The following PHACTR3 variants were observed in gnomAD, a reference collection of about 807,000 sequenced individuals.
PHACTR3 encodes the protein phosphatase and actin regulator 3.
A neutral mutation model predicts 66.8 loss-of-function variants in PHACTR3; 16 were observed. That is an observed-to-expected ratio of 0.24 (90% CI 0.16 to 0.36). The LOEUF is 0.36. PHACTR3 is among the 10% of genes least tolerant of loss of function. The pLI, the probability that PHACTR3 is intolerant of heterozygous loss-of-function variation, is 1.00. For missense variants in PHACTR3, 647 were observed against 719.9 expected (o/e 0.90, Z 1.16); for synonymous variants, 323 against 292.1 (o/e 1.11, Z -1.08).
intron 1 of PHACTR3, among the ~76,000 whole-genome samples, chr20:59,734,959 G>T (rs1039909537): frequency 1.3e-5 from 2 of 151,734 alleles, no homozygotes; most frequent in Non-Finnish European, 2.9e-5. Flanking sequence ...CCTCTTTCTT[G>T]ATTCTTCCTG....
chr20:59,822,109 C>T (rs1230782903), intron 8 of PHACTR3, among the ~76,000 whole-genome samples: 1 of 74,344 alleles, frequency 1.3e-5, no homozygotes, highest in Non-Finnish European at 2.6e-5. Context: ...CCACCCCCTC[C>T]GCAGCGATCC....
chr20:59,743,025 G>A (rs1173822510), intron 1 of PHACTR3, 82 bp from the exon 2 acceptor site: 7 of 1,479,234 alleles, frequency 4.7e-6, no homozygotes, highest in Non-Finnish European at 6.4e-6. Flanking sequence ...ACCCCTTAGG[G>A]TGAGAGGTCA....
In PHACTR3 at chr20:59,721,482, A is replaced by G. The variant is rs147781165; in HGVS notation, c.119-21625A>G. On this transcript the variant is annotated intron_variant, in intron 1 of 12. Coordinates refer to ENST00000371015, the MANE Select transcript of PHACTR3 (RefSeq NM_080672.5). ...GCGATGGTGGGGGATGTGGCAGCAC[A>G]AAGCAACTTTGTCCACTGATGTCGG... 6.4e-4 allele frequency: 97 copies of G among 152,674 alleles called. 2 individuals carry two copies. In the East Asian group the frequency reaches 6.5e-3, roughly 10 times the overall value. 9.5% of individuals were successfully genotyped at this position (152,674 alleles called of 1,614,324 possible).
chr20:59,720,830 A>G (rs2038268187), intron 1 of PHACTR3, among the ~76,000 whole-genome samples: 1 of 152,178 alleles, frequency 6.6e-6, no homozygotes, highest in Non-Finnish European at 1.5e-5. Context: ...TTCGGAAGGG[A>G]ACATTTATTG....
At chr20:59,632,087 C>T (rs1410270243) in intron 1 of PHACTR3, among the ~76,000 whole-genome samples, 1 of 152,214 alleles carries the variant, frequency 6.6e-6, no homozygotes, top group East Asian at 1.9e-4. Flanking sequence ...TGGGCTGTGG[C>T]TGGCGGCCTC....
At chr20:59,714,049 T>A (rs548843721) in intron 1 of PHACTR3, among the ~76,000 whole-genome samples, 3 of 152,342 alleles carry the variant, frequency 2.0e-5, no homozygotes, top group African/African-American at 7.2e-5. Context: ...TATTTGTATG[T>A]CTTCTTTATG....
At chr20:59,660,494 A>AAAC (rs1448495899) in intron 1 of PHACTR3, among the ~76,000 whole-genome samples, 4 of 152,236 alleles carry the variant, frequency 2.6e-5, no homozygotes, top group African/African-American at 9.6e-5. Context: ...TCCGTCTCAA[A>AAAC]AAACAAACAA....
intron 7 of PHACTR3, among the ~76,000 whole-genome samples, chr20:59,779,042 C>G (rs540185247): frequency 1.3e-5 from 2 of 152,294 alleles, no homozygotes; most frequent in South Asian, 2.1e-4. Flanking sequence ...CTCCATGGGC[C>G]TTTTGTGGGC....
chr20:59,727,141 G>C (rs575371783), intron 1 of PHACTR3, among the ~76,000 whole-genome samples: 1 of 152,016 alleles, frequency 6.6e-6, no homozygotes, highest in Non-Finnish European at 1.5e-5. Context: ...TGTATGAATT[G>C]GTCTGTGCTG....
intron 7 of PHACTR3, among the ~76,000 whole-genome samples, chr20:59,787,463 G>A (rs998986638): frequency 3.3e-5 from 5 of 152,230 alleles, no homozygotes; most frequent in African/African-American, 4.8e-5. Flanking sequence ...TCATTCTGGA[G>A]AAGCCAGTAG....
intron 1 of PHACTR3, among the ~76,000 whole-genome samples, chr20:59,587,957 C>T (rs1220605211): frequency 6.6e-6 from 1 of 152,308 alleles, no homozygotes; most frequent in East Asian, 1.9e-4. Context: ...TGAGGCCCAT[C>T]GGGTCTTCCA....
At chr20:59,584,697 C>T (rs902584865) in intron 1 of PHACTR3, among the ~76,000 whole-genome samples, 4 of 152,126 alleles carry the variant, frequency 2.6e-5, no homozygotes, top group Admixed American at 2.0e-4. Context: ...AGCCAGGCCT[C>T]CACCTTCACT....
chr20:59,670,897 G>A (rs975176544), intron 1 of PHACTR3, among the ~76,000 whole-genome samples: 42 of 152,278 alleles, frequency 2.8e-4, no homozygotes, highest in African/African-American at 9.9e-4. Context: ...TTGCTCACCA[G>A]CACCTTAAAT....
In PHACTR3 at chr20:59,767,407, T is replaced by C; in HGVS notation, c.751+12T>C. The C allele has an allele frequency of 6.2e-7, 1 of 1,611,674 alleles. No individual in the cohort carries two copies. Among genetic ancestry groups the C allele is most frequent in the East Asian group, 2.2e-5 (1 of 44,848 alleles). On this transcript the variant is annotated intron_variant, in intron 5 of 12. Coordinates refer to ENST00000371015, the MANE Select transcript of PHACTR3 (RefSeq NM_080672.5). ...AAAAAATGTCACAGGTGGGTCCACA[T>C]GCATCCTGCCCATTCTATTTCCTTT...
At chr20:59,789,385 T>C (rs2041022773) in intron 7 of PHACTR3, among the ~76,000 whole-genome samples, 1 of 152,226 alleles carries the variant, frequency 6.6e-6, no homozygotes, top group Admixed American at 6.5e-5. Context: ...TTAGCAGAGA[T>C]TGCCTGTGAG....
At position 59,676,610 on chromosome 20, in the gene PHACTR3, C is replaced by T. The variant is rs2036457785; in HGVS notation, c.119-66497C>T. On this transcript the variant is annotated intron_variant, in intron 1 of 12. Transcript: ENST00000371015. ...GTTTTCTCAGGGAGCGGAGCGAGTC[C>T]CCAGGAGCAAGTGAGAGTGCCAGGG... is the stretch of plus-strand genomic sequence containing the variant. 4 of 777,498 alleles carry T rather than the reference C, an allele frequency of 5.1e-6. No individual in the cohort carries two copies. In the South Asian group the frequency reaches 2.4e-4, roughly 46 times the overall value. The allele number at this position is 777,498 out of a possible 1,614,324, so 48.2% of individuals were successfully genotyped here.
At chr20:59,739,895 T>C (rs1054639879) in intron 1 of PHACTR3, among the ~76,000 whole-genome samples, 4 of 151,888 alleles carry the variant, frequency 2.6e-5, no homozygotes, top group Non-Finnish European at 5.9e-5. Flanking sequence ...GCCTCTGGAG[T>C]CAGGGTGCTC....
Position 59,686,737 on chromosome 20 carries a change from GTGATGATGGTGATGATGATGGTGA to G in PHACTR3, c.119-56334_119-56311del, listed in dbSNP as rs796395907. 1.7e-4 allele frequency among the ~76,000 whole-genome samples: 13 copies of G among 75,632 alleles called. 2 individuals carry two copies. Among genetic ancestry groups the G allele is most frequent in the African/African-American group, 6.2e-4 (12 of 19,302 alleles). 49.6% of individuals were successfully genotyped at this position (75,632 alleles called of 152,430 possible). A position where few individuals can be genotyped will look rare whatever the true frequency, so the allele number is the denominator to read the frequency against. On this transcript the variant is annotated intron_variant, in intron 1 of 12. Coordinates refer to ENST00000371015, the MANE Select transcript of PHACTR3 (RefSeq NM_080672.5). ...GATGGTGGTGGTTATGATGATGGTG[GTGATGATGGTGATGATGATGGTGA>G]TGATGATGGTGATGATGATGGTGAT...
chr20:59,652,205 A>T (rs923149621), intron 1 of PHACTR3, among the ~76,000 whole-genome samples: 2 of 152,128 alleles, frequency 1.3e-5, no homozygotes, highest in African/African-American at 4.8e-5. Context: ...GCTCACTCAC[A>T]TGAGGGAAGG....
Sources: allele counts gnomAD v4.1 joint callset (sites outside exome capture counted in the v4.1 genomes callset), GRCh38; gene constraint gnomAD v4.1.1; transcripts MANE v1.5; gene names NCBI Gene and HGNC (gene_info 2026-07-23, HGNC 2026-07-21).